ESF1: variants seen among roughly 807,000 people sequenced by gnomAD.
ESF1 encodes ESF1 nucleolar pre-rRNA processing protein.
A neutral mutation model predicts 92.0 loss-of-function variants in ESF1; 58 were observed. The ratio of observed to expected loss-of-function variants is 0.63; its 90% CI spans 0.51 to 0.78. The LOEUF (loss-of-function observed/expected upper bound fraction) is 0.78. ESF1 is among the 30% of genes least tolerant of loss of function. ESF1 has a pLI of 0.00. For missense variants in ESF1, 922 were observed against 989.1 expected, an observed-to-expected ratio of 0.93 and a Z score of 0.91; for synonymous variants, 321 against 313.7, an observed-to-expected ratio of 1.02 and a Z score of -0.24.
chr20:13,763,150 C>T (rs1979279788), intron 8 of ESF1, among the ~76,000 whole-genome samples: 2 of 152,032 alleles, frequency 1.3e-5, no homozygotes, highest in Admixed American at 6.6e-5. Context: ...CGTGAGCTGC[C>T]GTGCCCGGCC....
intron 11 of ESF1, among the ~76,000 whole-genome samples, chr20:13,727,791 G>T (rs1403784195): frequency 2.6e-5 from 4 of 152,146 alleles, no homozygotes; most frequent in Non-Finnish European, 5.9e-5. Flanking sequence ...AAAAAGAGGA[G>T]TAAGGAAAGC....
intron 9 of ESF1, among the ~76,000 whole-genome samples, chr20:13,739,507 CA>C (rs1217512640): frequency 6.6e-6 from 1 of 152,112 alleles, no homozygotes; most frequent in Admixed American, 6.6e-5. Context: ...ACAATGTACA[CA>C]ATATCAAGCT....
chr20:13,769,559 C>T (rs1345427641), intron 7 of ESF1, among the ~76,000 whole-genome samples: 1 of 152,108 alleles, frequency 6.6e-6, no homozygotes, highest in East Asian at 1.9e-4. Flanking sequence ...GAAGCCAAGG[C>T]GGCCTCACTT....
chr20:13,732,395 CA>C (rs2147732196), intron 10 of ESF1, among the ~76,000 whole-genome samples: 1 of 152,336 alleles, frequency 6.6e-6, no homozygotes, highest in South Asian at 2.1e-4. Flanking sequence ...TCCATTTCCA[CA>C]AACACTGACT....
At chr20:13,759,617 G>A (rs1262216146) in intron 9 of ESF1, 75 bp downstream of exon 9, 47 of 1,516,690 alleles carry the variant, frequency 3.1e-5, no homozygotes, top group South Asian at 2.5e-5. Flanking sequence ...AAACATTTCC[G>A]GCTCCTTCAT....
At chr20:13,717,302 T>G in intron 13 of ESF1, 66 bp downstream of exon 13, 1 of 1,576,288 alleles carries the variant, frequency 6.3e-7, no homozygotes, top group East Asian at 2.2e-5. Context: ...GCTCAATTTC[T>G]ATCTGCAGAG....
At chr20:13,767,833 C>T (rs1294620433) in intron 7 of ESF1, among the ~76,000 whole-genome samples, 1 of 152,192 alleles carries the variant, frequency 6.6e-6, no homozygotes, top group Non-Finnish European at 1.5e-5. Context: ...ATTTTATCTT[C>T]ATCATAGGGT....
At chr20:13,756,217 C>T (rs886968994) in intron 9 of ESF1, among the ~76,000 whole-genome samples, 1 of 152,154 alleles carries the variant, frequency 6.6e-6, no homozygotes, top group Non-Finnish European at 1.5e-5. Flanking sequence ...AGAAAGATTG[C>T]TCAATGATCT....
chr20:13,776,166 C>T lies in ESF1; in HGVS notation c.742G>A (p.Glu248Lys). The T allele has an allele frequency of 6.2e-7, 1 of 1,613,960 alleles. No individual in the cohort carries two copies. The highest frequency in any genetic ancestry group is 8.5e-7 in the Non-Finnish European group (1 of 1,179,936). Residue 248 changes from glutamate to lysine, a missense_variant, in exon 3 of 14, where the codon GAA becomes AAA. Coordinates refer to ENST00000617257, the MANE Select transcript of ESF1 (RefSeq NM_001276380.2). ...ALEEDSESVSEIGSDEESENE... is the reference protein window; with the variant it reads ...ALEEDSESVSKIGSDEESENE... The stretch of plus-strand genomic sequence containing the variant: ...TCAGATTCCTCATCACTTCCTATTT[C>T]ACTAACGCTTTCTGAATCTTCCTCC...
chr20:13,739,114 A>G (rs2049994577), intron 9 of ESF1, among the ~76,000 whole-genome samples: 1 of 152,204 alleles, frequency 6.6e-6, no homozygotes, highest in African/African-American at 2.4e-5. Context: ...ATAACCCTCA[A>G]TTCTATATCT....
intron 2 of ESF1, among the ~76,000 whole-genome samples, chr20:13,779,924 A>C (rs1484699165): frequency 6.6e-6 from 1 of 152,238 alleles, no homozygotes; most frequent in Admixed American, 6.5e-5. Flanking sequence ...GAGGAGTGCA[A>C]GTGCTGGGCA....
At chr20:13,741,918 G>T (rs911004578) in intron 9 of ESF1, among the ~76,000 whole-genome samples, 1 of 152,106 alleles carries the variant, frequency 6.6e-6, no homozygotes. Flanking sequence ...AAGCCAACAG[G>T]AAAAGCACAA....
At chr20:13,722,291 C>CA (rs2049873325) in intron 11 of ESF1, among the ~76,000 whole-genome samples, 1 of 151,934 alleles carries the variant, frequency 6.6e-6, no homozygotes, top group Non-Finnish European at 1.5e-5. Flanking sequence ...CCGGTTTTAG[C>CA]ATGAAGAAAA....
chr20:13,725,588 C>T (rs780752495), intron 11 of ESF1, among the ~76,000 whole-genome samples: 1 of 152,164 alleles, frequency 6.6e-6, no homozygotes, highest in Non-Finnish European at 1.5e-5. Context: ...ATTTCCCAGC[C>T]GCCGCTTCTC....
chr20:13,727,441 T>C (rs185440654), intron 11 of ESF1, among the ~76,000 whole-genome samples: 277 of 152,348 alleles, frequency 1.8e-3, no homozygotes, highest in Admixed American at 3.6e-3. Context: ...TGTTGAGAAC[T>C]ATTCTGGCCC....
chr20:13,769,753 T>C (rs1979594678), intron 7 of ESF1, among the ~76,000 whole-genome samples, 154 bp downstream of exon 7: 1 of 152,172 alleles, frequency 6.6e-6, no homozygotes, highest in African/African-American at 2.4e-5. Flanking sequence ...ACCACTGCAC[T>C]CCAGCCTGGG....
At chr20:13,731,531 C>CAAAAAAAAAAAA (rs35867169) in intron 10 of ESF1, among the ~76,000 whole-genome samples, 1 of 71,528 alleles carries the variant, frequency 1.4e-5, no homozygotes, top group Non-Finnish European at 2.7e-5. Flanking sequence ...GACTCGGTCT[C>CAAAAAAAAAAAA]AAAAAAAAAA....
Position 13,782,890 on chromosome 20 carries a change from T to A in ESF1, c.251A>T (p.Glu84Val). Residue 84 changes from glutamate (E) to valine (V), a missense_variant, in exon 2 of 14, where the codon GAA becomes GTA. Transcript: ENST00000617257. ...CTTTTGACTCAATGCTTTGCTATCT[T>A]CACCAGAGAGATTGGAATCAGAATC... is the stretch of plus-strand genomic sequence containing the variant. ...LSDSDSNLSG[E>V]DSKALSQKKI... The A allele has an allele frequency of 1.2e-6, 2 of 1,614,172 alleles. No homozygotes were observed. Among genetic ancestry groups the A allele is most frequent in the Non-Finnish European group, 1.7e-6 (2 of 1,180,020 alleles).
intron 2 of ESF1, 52 bp downstream of exon 2, chr20:13,782,452 T>C: frequency 1.4e-6 from 2 of 1,407,836 alleles, no homozygotes; most frequent in Non-Finnish European, 1.9e-6. Flanking sequence ...GAAAGATCAG[T>C]ATAAAAATAA....
Sources: allele counts gnomAD v4.1 joint callset (sites outside exome capture counted in the v4.1 genomes callset), GRCh38; gene constraint gnomAD v4.1.1; transcripts MANE v1.5; gene names NCBI Gene and HGNC (gene_info 2026-07-23, HGNC 2026-07-21).